Variants in MAML3 observed in about 807,000 individuals in gnomAD.
MAML3 encodes the protein mastermind like transcriptional coactivator 3.
In MAML3, 27 loss-of-function variants were observed where a neutral mutation model predicts 101.9. The observed-to-expected ratio is 0.27, with a 90% CI of 0.20 to 0.37. The LOEUF is 0.37. Among genes scored for constraint, MAML3 ranks in the 10% least tolerant of loss-of-function variants. MAML3 has a pLI of 1.00. For synonymous variants in MAML3, 501 were observed against 555.9 expected, an observed-to-expected ratio of 0.90 and a Z score of 1.39; for missense variants, 1,316 against 1,444.9, an observed-to-expected ratio of 0.91 and a Z score of 1.45.
intron 1 of MAML3, among the ~76,000 whole-genome samples, chr4:140,033,382 GA>G (rs1222465864): frequency 6.6e-6 from 1 of 151,938 alleles, no homozygotes; most frequent in East Asian, 1.9e-4. Context: ...GCTTTGCAGA[GA>G]AGGGCTCAGC....
intron 4 of MAML3, among the ~76,000 whole-genome samples, chr4:139,721,066 A>G (rs1728213193): frequency 6.6e-6 from 1 of 152,222 alleles, no homozygotes; most frequent in Admixed American, 6.5e-5. Context: ...AGAAAAAGAA[A>G]TCATCCTGCT....
intron 2 of MAML3, among the ~76,000 whole-genome samples, chr4:139,772,462 C>G (rs544624020): frequency 6.6e-6 from 1 of 151,458 alleles, no homozygotes; most frequent in African/African-American, 2.4e-5. Flanking sequence ...CTGCCTCAGC[C>G]TCCCAAGTAG....
At chr4:139,797,112 T>C (rs1730523896) in intron 2 of MAML3, among the ~76,000 whole-genome samples, 1 of 152,218 alleles carries the variant, frequency 6.6e-6, no homozygotes, top group Non-Finnish European at 1.5e-5. Context: ...GCCTTCAATT[T>C]GTTCTTACAA....
intron 1 of MAML3, among the ~76,000 whole-genome samples, chr4:140,050,307 A>G (rs1263116656): frequency 6.6e-6 from 1 of 151,826 alleles, no homozygotes; most frequent in African/African-American, 2.4e-5. Context: ...TAAAATATAA[A>G]TGGGAAAGCA....
intron 1 of MAML3, among the ~76,000 whole-genome samples, chr4:139,893,423 G>A (rs1732543527): frequency 6.6e-6 from 1 of 152,126 alleles, no homozygotes; most frequent in South Asian, 2.1e-4. Flanking sequence ...TTCACACTTT[G>A]GGGCAGCTGC....
Position 139,719,642 on chromosome 4 carries a change from G to A in MAML3, c.3098C>T (p.Ser1033Leu), listed in dbSNP as rs1476613482. 16 of 1,612,412 alleles carry A rather than the reference G, an allele frequency of 9.9e-6. No homozygotes were observed. The highest frequency in any genetic ancestry group is 4.5e-5 in the East Asian group (2 of 44,836). Residue 1033 changes from serine (S) to leucine (L), a missense_variant, in exon 5 of 5, where the codon TCG (serine) becomes TTG (leucine). By Grantham distance (145) the Ser-to-Leu change is moderately radical (BLOSUM62 -2). Transcript: ENST00000509479. The stretch of plus-strand genomic sequence containing the variant: ...GCTGGTGCCTTGCTGCCCCGGGAGC[G>A]ATGGCATCATCTGCCGACCCATGGC... ...PAAMGRQMMP[S>L]LPGQQGTSQA...
chr4:139,932,343 C>T (rs1733418242), intron 1 of MAML3, among the ~76,000 whole-genome samples: 1 of 151,966 alleles, frequency 6.6e-6, no homozygotes, highest in Admixed American at 6.6e-5. Context: ...ACATAAAATA[C>T]TTTCAAAGAA....
intron 2 of MAML3, among the ~76,000 whole-genome samples, chr4:139,793,138 T>G (rs2111093878): frequency 6.6e-6 from 1 of 152,168 alleles, no homozygotes; most frequent in South Asian, 2.1e-4. Context: ...CGAAACACAT[T>G]TATTCATAGT....
At chr4:139,942,781 AC>A (rs1733632639) in intron 1 of MAML3, among the ~76,000 whole-genome samples, 1 of 152,130 alleles carries the variant, frequency 6.6e-6, no homozygotes, top group Non-Finnish European at 1.5e-5. Flanking sequence ...ACATTAGAAA[AC>A]TGAATCGTGA....
chr4:139,804,912 C>T (rs1420495811), intron 2 of MAML3, among the ~76,000 whole-genome samples: 5 of 152,160 alleles, frequency 3.3e-5, no homozygotes, highest in Non-Finnish European at 5.9e-5. Context: ...GGCGCGATGG[C>T]TCACACCTGT....
At chr4:140,072,396 C>T (rs891514922) in intron 1 of MAML3, among the ~76,000 whole-genome samples, 3 of 152,042 alleles carry the variant, frequency 2.0e-5, no homozygotes, top group South Asian at 2.1e-4. Context: ...ACAGGCCAGG[C>T]GTGGTGGCTC....
chr4:139,927,710 C>T lies in MAML3; in HGVS notation c.469-36743G>A, dbSNP rs544464905. Among the ~76,000 whole-genome samples the T allele has an allele frequency of 2.0e-5, 3 of 150,050 alleles. No homozygotes were observed. In the East Asian group the frequency reaches 6.1e-4, roughly 30 times the overall value. On this transcript the variant is annotated intron_variant, in intron 1 of 4. Coordinates refer to ENST00000509479, the MANE Select transcript of MAML3 (RefSeq NM_018717.5). ...AAAATCCAATGCTATCATTTTTTAT[C>T]TTGCTGCTCAAATTCCTCTGTCTTT...
intron 2 of MAML3, among the ~76,000 whole-genome samples, chr4:139,779,967 AGCTTGC>A (rs1730169149): frequency 6.6e-6 from 1 of 152,252 alleles, no homozygotes; most frequent in African/African-American, 2.4e-5. Flanking sequence ...GTTCTCTGTC[AGCTTGC>A]AGACTCTGCT....
At chr4:139,954,028 G>A (rs1316075197) in intron 1 of MAML3, among the ~76,000 whole-genome samples, 1 of 152,190 alleles carries the variant, frequency 6.6e-6, no homozygotes, top group African/African-American at 2.4e-5. Flanking sequence ...CAGTAGTTCT[G>A]AGGTGGAGCT....
intron 1 of MAML3, among the ~76,000 whole-genome samples, chr4:139,942,107 C>T (rs1378679190): frequency 6.6e-6 from 1 of 151,912 alleles, no homozygotes; most frequent in African/African-American, 2.4e-5. Flanking sequence ...ATACTCCAGC[C>T]TAGGCAATAA....
At chr4:140,004,043 C>T (rs1578638577) in intron 1 of MAML3, among the ~76,000 whole-genome samples, 1 of 152,244 alleles carries the variant, frequency 6.6e-6, no homozygotes, top group African/African-American at 2.4e-5. Flanking sequence ...TGCACACAGG[C>T]ACTTTAAGGT....
intron 1 of MAML3, among the ~76,000 whole-genome samples, chr4:140,065,626 C>T (rs1266234540): frequency 6.6e-6 from 1 of 152,186 alleles, no homozygotes; most frequent in Non-Finnish European, 1.5e-5. Context: ...TGGACCCTGA[C>T]TCATCCACAT....
chr4:139,900,714 T>C (rs73854883), intron 1 of MAML3, among the ~76,000 whole-genome samples: 2,810 of 152,338 alleles, frequency 0.018, 84 homozygotes, highest in African/African-American at 0.063. Context: ...GCTAAGGCCA[T>C]ATGATTTTCA....
intron 1 of MAML3, among the ~76,000 whole-genome samples, chr4:139,909,208 C>A (rs1732873597): frequency 6.6e-6 from 1 of 152,110 alleles, no homozygotes; most frequent in Admixed American, 6.5e-5. Flanking sequence ...TCACATCTGA[C>A]CCCTACTATA....
Sources: gnomAD v4.1 joint callset for allele counts (sites outside exome capture counted in the v4.1 genomes callset) on GRCh38, gnomAD v4.1.1 for gene constraint, MANE v1.5 for transcripts, NCBI Gene and HGNC (gene_info 2026-07-23, HGNC 2026-07-21) for gene names.